The following GRM5 variants were observed in gnomAD, a reference collection of about 807,000 sequenced individuals.
The protein encoded by GRM5 is metabotropic glutamate receptor 5.
GRM5 carries 19 observed loss-of-function variants against 83.1 expected under a neutral mutation model. The observed-to-expected ratio is 0.23, with a 90% CI of 0.16 to 0.34. The LOEUF is 0.34. Ranked by LOEUF, GRM5 falls within the 10% of genes least tolerant of loss-of-function variation. GRM5 has a pLI of 1.00. For synonymous variants in GRM5, 675 were observed against 633.6 expected (o/e 1.07, Z -0.98); for missense variants, 1,160 against 1,588.3 (o/e 0.73, Z 4.58).
chr11:88,550,892 G>C (rs964622563), intron 8 of GRM5, among the ~76,000 whole-genome samples: 5 of 152,134 alleles, frequency 3.3e-5, no homozygotes, highest in African/African-American at 1.2e-4. Context: ...GAGACAAACT[G>C]CTTAGATTTG....
intron 2 of GRM5, among the ~76,000 whole-genome samples, chr11:88,890,755 T>A (rs1002439977): frequency 6.6e-6 from 1 of 152,080 alleles, no homozygotes; most frequent in Non-Finnish European, 1.5e-5. Context: ...TTATATGCAT[T>A]TCTGCCTGGG....
intron 2 of GRM5, among the ~76,000 whole-genome samples, chr11:88,922,880 T>TA (rs141477596): frequency 2.6e-5 from 4 of 152,136 alleles, no homozygotes; most frequent in Non-Finnish European, 2.9e-5. Context: ...AACTCAATGG[T>TA]AAAAAATCTG....
At chr11:88,911,403 A>G (rs1371399444) in intron 2 of GRM5, among the ~76,000 whole-genome samples, 1 of 152,202 alleles carries the variant, frequency 6.6e-6, no homozygotes, top group Non-Finnish European at 1.5e-5. Flanking sequence ...TAATTAAATA[A>G]GCTAACAAAT....
intron 2 of GRM5, among the ~76,000 whole-genome samples, chr11:88,921,367 T>G (rs911819200): frequency 2.0e-5 from 3 of 152,234 alleles, no homozygotes; most frequent in African/African-American, 7.2e-5. Context: ...CTCATGCCTG[T>G]AATCCTAGCA....
At chr11:89,033,584 G>A (rs1320927304) in intron 2 of GRM5, among the ~76,000 whole-genome samples, 1 of 151,800 alleles carries the variant, frequency 6.6e-6, no homozygotes, top group Non-Finnish European at 1.5e-5. Flanking sequence ...AATGGCTCAA[G>A]TGTTATACTC....
chr11:88,777,659 G>T (rs1201706491), intron 3 of GRM5, among the ~76,000 whole-genome samples: 1 of 152,070 alleles, frequency 6.6e-6, no homozygotes, highest in African/African-American at 2.4e-5. Context: ...CTATTTCTTT[G>T]TGTTTGTTAG....
intron 2 of GRM5, among the ~76,000 whole-genome samples, chr11:88,987,034 G>T (rs1021883297): frequency 1.5e-4 from 23 of 152,056 alleles, no homozygotes; most frequent in African/African-American, 5.6e-4. Flanking sequence ...AACAGCTCCG[G>T]TCTACAGCTC....
chr11:88,937,806 A>G (rs1937950051), intron 2 of GRM5, among the ~76,000 whole-genome samples: 1 of 151,728 alleles, frequency 6.6e-6, no homozygotes, highest in Non-Finnish European at 1.5e-5. Flanking sequence ...TTCACATACT[A>G]ATACCTGTGA....
At chr11:88,987,337 C>T (rs1268267939) in intron 2 of GRM5, among the ~76,000 whole-genome samples, 2 of 152,168 alleles carry the variant, frequency 1.3e-5, no homozygotes, top group Non-Finnish European at 2.9e-5. Context: ...GATTATATCC[C>T]CCAGCTGGCT....
chr11:88,876,107 C>T (rs532960989), intron 2 of GRM5, among the ~76,000 whole-genome samples: 73 of 152,266 alleles, frequency 4.8e-4, no homozygotes, highest in African/African-American at 1.7e-3. Flanking sequence ...TCTTCCAATA[C>T]AAGTCTGCTT....
At chr11:88,841,546 G>T (rs983862404) in intron 3 of GRM5, among the ~76,000 whole-genome samples, 4 of 152,182 alleles carry the variant, frequency 2.6e-5, no homozygotes, top group African/African-American at 9.6e-5. Flanking sequence ...CCCCAGAAGA[G>T]CAAGGTTTTC....
intron 2 of GRM5, among the ~76,000 whole-genome samples, chr11:88,978,027 A>G (rs1168802062): frequency 6.6e-6 from 1 of 152,220 alleles, no homozygotes; most frequent in Non-Finnish European, 1.5e-5. Context: ...ATTGGGTATC[A>G]TATAGAAAAC....
At chr11:88,856,547 G>A (rs1944480687) in intron 2 of GRM5, among the ~76,000 whole-genome samples, 1 of 151,958 alleles carries the variant, frequency 6.6e-6, no homozygotes, top group Non-Finnish European at 1.5e-5. Flanking sequence ...TTTTTTAAAT[G>A]TATATAAGTA....
At chr11:89,010,300 A>G (rs1357547641) in intron 2 of GRM5, among the ~76,000 whole-genome samples, 2 of 152,180 alleles carry the variant, frequency 1.3e-5, no homozygotes, top group African/African-American at 4.8e-5. Context: ...AAAGTCTAAG[A>G]TTTTATCATG....
intron 2 of GRM5, among the ~76,000 whole-genome samples, chr11:88,958,769 A>G (rs562197207): frequency 1.3e-5 from 2 of 152,302 alleles, no homozygotes; most frequent in South Asian, 2.1e-4. Flanking sequence ...CTATATTAAA[A>G]ACTAAAACAC....
intron 3 of GRM5, among the ~76,000 whole-genome samples, chr11:88,836,111 G>A (rs1944090402): frequency 6.6e-6 from 1 of 152,148 alleles, no homozygotes; most frequent in Admixed American, 6.5e-5. Flanking sequence ...ACTTAATACT[G>A]CTATGTAAGT....
rs137901061 is a variant in GRM5 at position 88,830,193 on chromosome 11, T to C, written c.911+19713A>G. 3.7e-3 allele frequency among the ~76,000 whole-genome samples: 563 copies of C among 152,148 alleles called. 2 individuals carry two copies. Among genetic ancestry groups the C allele is most frequent in the South Asian group, 0.017 (83 of 4,828 alleles). On this transcript the variant is annotated intron_variant, in intron 3 of 9. Transcript: ENST00000305447. ...ATGTTAAAAAGGATGAATGGACATA[T>C]TGCAAAGCATCAAAGAGGAAAAGGC...
chr11:88,531,860 A>G (rs2135118230), intron 8 of GRM5, among the ~76,000 whole-genome samples: 1 of 152,130 alleles, frequency 6.6e-6, no homozygotes, highest in African/African-American at 2.4e-5. Flanking sequence ...ACTGACATCT[A>G]CTATGGCCCG....
At chr11:88,803,775 C>G (rs1943445284) in intron 3 of GRM5, among the ~76,000 whole-genome samples, 1 of 151,994 alleles carries the variant, frequency 6.6e-6, no homozygotes, top group Non-Finnish European at 1.5e-5. Flanking sequence ...AAAATTTTCG[C>G]AACCTACTCA....
Sources: gnomAD v4.1 joint callset for allele counts (sites outside exome capture counted in the v4.1 genomes callset) on GRCh38, gnomAD v4.1.1 for gene constraint, MANE v1.5 for transcripts, NCBI Gene and HGNC (gene_info 2026-07-23, HGNC 2026-07-21) for gene names.